The following CCDC195 variants were observed in gnomAD, a reference collection of about 807,000 sequenced individuals.
The protein encoded by CCDC195 is coiled-coil domain containing 195, also known as coiled-coil domain-containing protein 195.
intron 2 of CCDC195, among the ~76,000 whole-genome samples, chr2:224,704,954 A>G (rs1697224628): frequency 6.6e-6 from 1 of 152,174 alleles, no homozygotes; most frequent in Non-Finnish European, 1.5e-5. Flanking sequence ...GGAGGTAGGC[A>G]GGCCAGTGCT....
intron 2 of CCDC195, 81 bp from the exon 3 acceptor site, chr2:224,703,968 C>CT (rs1697208825): frequency 2.5e-6 from 1 of 397,106 alleles, no homozygotes; most frequent in Non-Finnish European, 4.4e-6. Context: ...TCCCCCCAAT[C>CT]ACCAGATACT....
At chr2:224,714,386 C>T (rs1037503520) in intron 1 of CCDC195, among the ~76,000 whole-genome samples, 1 of 144,340 alleles carries the variant, frequency 6.9e-6, no homozygotes, top group African/African-American at 2.7e-5. Flanking sequence ...AGGATAAGTC[C>T]CACAGAGAAT....
intron 2 of CCDC195, among the ~76,000 whole-genome samples, chr2:224,705,523 T>C (rs1473736860): frequency 6.6e-6 from 1 of 152,224 alleles, no homozygotes; most frequent in Admixed American, 6.5e-5. Context: ...GGTTATGATG[T>C]CTGATATGAT....
At position 224,715,624 on chromosome 2, in the gene CCDC195, A is replaced by G. The variant is rs569894091; in HGVS notation, c.235+507T>C. On this transcript the variant is annotated intron_variant, in intron 1 of 2. Coordinates refer to ENST00000638102, the Ensembl canonical transcript of CCDC195. ...CTCACAACCTTGTGAGATAGGTACTATAACACTTCCAGATGAAGAAAACAA... is the reference window on the plus strand; with the variant it reads ...CTCACAACCTTGTGAGATAGGTACTGTAACACTTCCAGATGAAGAAAACAA... Among the ~76,000 whole-genome samples, 3 of 152,370 alleles carry G rather than the reference A, an allele frequency of 2.0e-5. No individual in the cohort carries two copies. In the South Asian group the frequency reaches 6.2e-4, roughly 32 times the overall value.
chr2:224,707,351 C>A (rs990643602), intron 2 of CCDC195, among the ~76,000 whole-genome samples: 1 of 152,224 alleles, frequency 6.6e-6, no homozygotes, highest in Non-Finnish European at 1.5e-5. Flanking sequence ...CACCAGCTTG[C>A]TCACTTGTCA....
At chr2:224,714,583 C>T (rs1689359349) in intron 1 of CCDC195, among the ~76,000 whole-genome samples, 1 of 152,158 alleles carries the variant, frequency 6.6e-6, no homozygotes, top group East Asian at 1.9e-4. Flanking sequence ...AAACACCCTA[C>T]CATGCTCGAG....
At chr2:224,712,515 G>A (rs1441625052) in intron 1 of CCDC195, among the ~76,000 whole-genome samples, 1 of 152,184 alleles carries the variant, frequency 6.6e-6, no homozygotes, top group East Asian at 1.9e-4. Context: ...CCACACAGCT[G>A]TGTCTGGGCT....
chr2:224,706,633 C>T (rs1014467398), intron 2 of CCDC195, among the ~76,000 whole-genome samples: 6 of 150,526 alleles, frequency 4.0e-5, no homozygotes, highest in African/African-American at 1.5e-4. Flanking sequence ...GCCTCAGCCT[C>T]CCAAGTAGCT....
chr2:224,712,469 C>T (rs1483729255), intron 1 of CCDC195, among the ~76,000 whole-genome samples: 3 of 152,174 alleles, frequency 2.0e-5, no homozygotes, highest in African/African-American at 2.4e-5. Flanking sequence ...GGATTCATTC[C>T]GAGCAGGCAC....
intron 2 of CCDC195, among the ~76,000 whole-genome samples, chr2:224,709,319 C>A (rs2124850479): frequency 6.6e-6 from 1 of 152,198 alleles, no homozygotes; most frequent in African/African-American, 2.4e-5. Context: ...GAACTCCTGA[C>A]CTCAAGTGAT....
chr2:224,716,233 C>G (rs1386453853), exon 1 of CCDC195: 4 of 398,594 alleles, frequency 1.0e-5, no homozygotes, highest in Non-Finnish European at 1.8e-5. Context: ...TCTCCTGATT[C>G]TCTCCCTGAG....
intron 2 of CCDC195, among the ~76,000 whole-genome samples, chr2:224,704,168 C>T (rs1697210482): frequency 6.6e-6 from 1 of 152,132 alleles, no homozygotes. Flanking sequence ...GTTTGATGTT[C>T]AAAGTGGAAG....
At chr2:224,712,789 C>T (rs967011325) in intron 1 of CCDC195, among the ~76,000 whole-genome samples, 2 of 152,176 alleles carry the variant, frequency 1.3e-5, no homozygotes, top group Non-Finnish European at 2.9e-5. Flanking sequence ...AAGATAATCT[C>T]TATGAGGCTT....
At chr2:224,705,594 A>G (rs1417606050) in intron 2 of CCDC195, among the ~76,000 whole-genome samples, 1 of 152,234 alleles carries the variant, frequency 6.6e-6, no homozygotes, top group Non-Finnish European at 1.5e-5. Flanking sequence ...TTTGAAAGCT[A>G]TTAGTGAGGA....
At chr2:224,706,763 G>A (rs1414513404) in intron 2 of CCDC195, among the ~76,000 whole-genome samples, 1 of 151,622 alleles carries the variant, frequency 6.6e-6, no homozygotes, top group Admixed American at 6.6e-5. Context: ...GCCCACCTCA[G>A]CCTCCCAAAG....
intron 2 of CCDC195, among the ~76,000 whole-genome samples, chr2:224,706,267 C>T (rs1697239962): frequency 8.4e-6 from 1 of 118,458 alleles, no homozygotes; most frequent in Non-Finnish European, 1.6e-5. Context: ...GTGCAGTGGC[C>T]CAATGTCGGC....
At chr2:224,709,320 C>G (rs1210907199) in intron 2 of CCDC195, among the ~76,000 whole-genome samples, 1 of 152,060 alleles carries the variant, frequency 6.6e-6, no homozygotes, top group Non-Finnish European at 1.5e-5. Flanking sequence ...AACTCCTGAC[C>G]TCAAGTGATC....
In CCDC195 at chr2:224,706,913, A is replaced by ACG. The variant is rs762575736; in HGVS notation, c.483-3028_483-3027dup. Among the ~76,000 whole-genome samples the ACG allele has an allele frequency of 4.0e-5, 6 of 151,590 alleles. No homozygotes were observed. In the East Asian group the frequency reaches 7.7e-4, roughly 20 times the overall value. On this transcript the variant is annotated intron_variant, in intron 2 of 2. Coordinates refer to ENST00000638102, the Ensembl canonical transcript of CCDC195. Reference sequence around the variant, plus strand: ...TGTATATATATATATATATACACACACGCGCACTTTTTTTTTTAAGGAAAA... The same window carrying ACG: ...TGTATATATATATATATATACACACACGCGCGCACTTTTTTTTTTAAGGAAAA...
chr2:224,704,610 CTTTTTTTTTTTTTTTTCTTTTTT>C (rs1398110494), intron 2 of CCDC195, among the ~76,000 whole-genome samples: 1 of 110,646 alleles, frequency 9.0e-6, no homozygotes, highest in African/African-American at 3.5e-5. Context: ...CTTTTCTTTT[CTTTTTTTTTTTTTTTTCTTTTTT>C]TTTTTTTGAG....
Sources: allele counts gnomAD v4.1 joint callset (sites outside exome capture counted in the v4.1 genomes callset), GRCh38; gene constraint gnomAD v4.1.1; transcripts MANE v1.5; gene names NCBI Gene and HGNC (gene_info 2026-07-23, HGNC 2026-07-21).